Variants in CDH7 observed in about 807,000 individuals in gnomAD.
CDH7 encodes the protein cadherin-7.
Under a neutral mutation model 71.8 loss-of-function variants are expected in CDH7, and 25 were observed. The observed-to-expected ratio is 0.35, with a 90% CI of 0.25 to 0.49. The LOEUF (loss-of-function observed/expected upper bound fraction) is 0.49. Ranked by LOEUF, CDH7 falls within the 20% of genes least tolerant of loss-of-function variation. The pLI is 0.99. For missense variants in CDH7, 862 were observed against 974.6 expected (o/e 0.88, Z 1.54); for synonymous variants, 381 against 363.8 (o/e 1.05, Z -0.54).
chr18:65,760,196 T>C (rs1916151011), intron 1 of CDH7, among the ~76,000 whole-genome samples: 1 of 152,186 alleles, frequency 6.6e-6, no homozygotes, highest in Admixed American at 6.5e-5. Flanking sequence ...ATTTTTATCA[T>C]CTCATGATTT....
At chr18:65,759,411 ATT>A (rs770554826) in intron 1 of CDH7, among the ~76,000 whole-genome samples, 4 of 141,316 alleles carry the variant, frequency 2.8e-5, no homozygotes, top group Admixed American at 7.1e-5. Context: ...TGCCCGGCTA[ATT>A]TTTTTTTTTT....
intron 11 of CDH7, among the ~76,000 whole-genome samples, chr18:65,868,351 T>G (rs1913828583): frequency 6.6e-6 from 1 of 152,198 alleles, no homozygotes; most frequent in South Asian, 2.1e-4. Flanking sequence ...TGCCCACATT[T>G]TATATAAGAA....
chr18:65,835,595 G>A (rs1016820205), intron 6 of CDH7, among the ~76,000 whole-genome samples: 1 of 152,178 alleles, frequency 6.6e-6, no homozygotes, highest in African/African-American at 2.4e-5. Context: ...CCCAGACAAT[G>A]TATGAAACCC....
intron 7 of CDH7, among the ~76,000 whole-genome samples, chr18:65,854,369 A>G (rs1485276349): frequency 6.6e-6 from 1 of 152,148 alleles, no homozygotes; most frequent in Non-Finnish European, 1.5e-5. Context: ...TAAATATTTG[A>G]ATGATAGAAA....
rs545795667 is a variant in CDH7 at position 65,841,461 on chromosome 18, G to A, written c.982-2351G>A. ...TTGATTTGAAAGGAGCTGACAAATCGGATTTCTAAGTATATTCTTTTACAT... is the reference window on the plus strand; with the variant it reads ...TTGATTTGAAAGGAGCTGACAAATCAGATTTCTAAGTATATTCTTTTACAT... On this transcript the variant is annotated intron_variant, in intron 6 of 11. Coordinates refer to ENST00000397968, the MANE Select transcript of CDH7 (RefSeq NM_004361.5). 1.8e-4 allele frequency among the ~76,000 whole-genome samples: 27 copies of A among 152,108 alleles called. No individual in the cohort carries two copies. The South Asian group carries it at 4.6e-3, about 26-fold the overall frequency.
chr18:65,851,107 A>G (rs769805898), intron 7 of CDH7, among the ~76,000 whole-genome samples: 3 of 152,140 alleles, frequency 2.0e-5, no homozygotes, highest in Non-Finnish European at 4.4e-5. Flanking sequence ...CCCGGCCTCA[A>G]TAATTTATTT....
chr18:65,823,869 A>T (rs117364241), intron 5 of CDH7, among the ~76,000 whole-genome samples: 1 of 151,922 alleles, frequency 6.6e-6, no homozygotes, highest in Non-Finnish European at 1.5e-5. Context: ...TAGAGAAAAA[A>T]TAATGAAGGA....
chr18:65,763,125 A>G, intron 2 of CDH7, 73 bp downstream of exon 2: 1 of 800,232 alleles, frequency 1.2e-6, no homozygotes, highest in South Asian at 3.7e-5. Context: ...AAACTGCTAT[A>G]TATATATAAA....
intron 2 of CDH7, among the ~76,000 whole-genome samples, chr18:65,769,224 A>T (rs1916472575): frequency 6.6e-6 from 1 of 152,168 alleles, no homozygotes; most frequent in African/African-American, 2.4e-5. Context: ...AAATCAAAGC[A>T]AAAGCAAATT....
chr18:65,759,616 A>G (rs1047161785), intron 1 of CDH7, among the ~76,000 whole-genome samples: 5 of 152,170 alleles, frequency 3.3e-5, no homozygotes, highest in Non-Finnish European at 4.4e-5. Flanking sequence ...AACAAAATCA[A>G]TTTTATATAA....
At chr18:65,850,189 A>ATATATATAT (rs373950984) in intron 7 of CDH7, among the ~76,000 whole-genome samples, 16 of 143,820 alleles carry the variant, frequency 1.1e-4, no homozygotes, top group African/African-American at 2.0e-4. Context: ...TATATATATA[A>ATATATATAT]AATTAAATAC....
At chr18:65,796,496 A>T (rs968183061) in intron 2 of CDH7, among the ~76,000 whole-genome samples, 2 of 152,192 alleles carry the variant, frequency 1.3e-5, no homozygotes, top group Non-Finnish European at 2.9e-5. Flanking sequence ...AATATACATT[A>T]GGTAGCTACT....
chr18:65,751,700 A>T (rs917738133), intron 1 of CDH7, among the ~76,000 whole-genome samples: 1 of 152,050 alleles, frequency 6.6e-6, no homozygotes, highest in Non-Finnish European at 1.5e-5. Flanking sequence ...TTCCCCTGTA[A>T]TTAGTATTCT....
intron 2 of CDH7, among the ~76,000 whole-genome samples, chr18:65,801,505 C>A (rs1281723012): frequency 6.6e-6 from 1 of 152,156 alleles, no homozygotes; most frequent in Non-Finnish European, 1.5e-5. Flanking sequence ...ATAAATATTA[C>A]CGAATAGCAA....
intron 3 of CDH7, among the ~76,000 whole-genome samples, chr18:65,810,949 C>T (rs567815500): frequency 2.0e-5 from 3 of 152,054 alleles, no homozygotes; most frequent in Admixed American, 6.6e-5. Context: ...GTGTTTATAT[C>T]GAATAATCAA....
chr18:65,828,102 TCC>T, intron 6 of CDH7, among the ~76,000 whole-genome samples: 1 of 151,950 alleles, frequency 6.6e-6, no homozygotes, highest in Non-Finnish European at 1.5e-5. Flanking sequence ...AATTTTTATT[TCC>T]AAAGCTCCCT....
chr18:65,825,373 G>A (rs1912090075), intron 6 of CDH7, among the ~76,000 whole-genome samples: 1 of 151,800 alleles, frequency 6.6e-6, no homozygotes, highest in Non-Finnish European at 1.5e-5. Flanking sequence ...TTTCTACAGA[G>A]CGAGTGTGAA....
At chr18:65,873,676 A>G (rs1342967916) in intron 11 of CDH7, among the ~76,000 whole-genome samples, 1 of 152,198 alleles carries the variant, frequency 6.6e-6, no homozygotes, top group Non-Finnish European at 1.5e-5. Flanking sequence ...CAACTATGGT[A>G]GACAACGAAA....
chr18:65,771,917 C>T (rs549480885), intron 2 of CDH7, among the ~76,000 whole-genome samples: 3 of 152,110 alleles, frequency 2.0e-5, no homozygotes, highest in East Asian at 1.9e-4. Flanking sequence ...AAGATAAATG[C>T]GGAAGAGTAA....
Sources: gnomAD v4.1 joint callset for allele counts (sites outside exome capture counted in the v4.1 genomes callset) on GRCh38, gnomAD v4.1.1 for gene constraint, MANE v1.5 for transcripts, NCBI Gene and HGNC (gene_info 2026-07-23, HGNC 2026-07-21) for gene names.